The following MROH1 variants were observed in gnomAD, a reference collection of about 807,000 sequenced individuals.
The protein encoded by MROH1 is maestro heat-like repeat-containing protein family member 1.
Under a neutral mutation model 116.5 loss-of-function variants are expected in MROH1, and 117 were observed. That is an observed-to-expected ratio of 1.00 (90% CI 0.86 to 1.17). The LOEUF is 1.17. MROH1 is among the 50% of genes most tolerant of loss of function. The pLI, the probability that MROH1 is intolerant of heterozygous loss-of-function variation, is 0.00. For synonymous variants in MROH1, 921 were observed against 583.9 expected (o/e 1.58, Z -8.32); for missense variants, 1,873 against 1,338.5 (o/e 1.40, Z -6.23).
intron 35 of MROH1, among the ~76,000 whole-genome samples, chr8:144,257,266 C>T (rs1844051115): frequency 6.6e-6 from 1 of 152,192 alleles, no homozygotes; most frequent in Admixed American, 6.5e-5. Context: ...TACGTCCGAC[C>T]TTGGGGAGGG....
rs553137415 is a variant in MROH1, at chr8:144,224,370, G to A, written c.1338+1140G>A. Among the ~76,000 whole-genome samples the A allele has an allele frequency of 8.9e-4, 135 of 152,170 alleles. No individual in the cohort carries two copies. The Middle Eastern group carries it at 0.01, about 12-fold the overall frequency. On this transcript the variant is annotated intron_variant, in intron 14 of 43. Coordinates refer to ENST00000326134, the MANE Select transcript of MROH1 (RefSeq NM_032450.3). ...CTGCAGCCTTGAACTGTGCTGAAGC[G>A]ATCATCCTACCTCAGCCTCCTGAGT...
intron 25 of MROH1, 116 bp from the exon 26 acceptor site, chr8:144,243,747 A>G: frequency 1.3e-6 from 1 of 748,436 alleles, no homozygotes; most frequent in South Asian, 1.4e-5. Context: ...ATGTAGGGAC[A>G]CATGGGGCTC....
chr8:144,249,053 G>T (rs1225433780), intron 32 of MROH1, 24 bp downstream of exon 32: 2 of 697,898 alleles, frequency 2.9e-6, no homozygotes, highest in East Asian at 2.8e-5. Flanking sequence ...GGGCGCGGGG[G>T]GTGCTCCAGG....
Position 144,190,900 on chromosome 8 carries a change from C to G in MROH1, c.679C>G (p.Leu227Val). The change falls in exon 8 of 44, where the codon CTC becomes GTC. Residue 227 changes from leucine (L) to valine (V), a missense_variant. Leu to Val is a conservative substitution (Grantham distance 32). Coordinates refer to ENST00000326134, the MANE Select transcript of MROH1 (RefSeq NM_032450.3). ...ATDIFSAYDV[L>V]FHQWLQSREA... ...CGACATCTTCAGCGCCTACGATGTT[C>G]TCTTCCATCAGTGGCTGCAGAGTCG... 3 of 1,613,764 alleles carry G rather than the reference C, an allele frequency of 1.9e-6. No homozygotes were observed. Among genetic ancestry groups the G allele is most frequent in the Non-Finnish European group, 2.5e-6 (3 of 1,179,886 alleles).
intron 12 of MROH1, among the ~76,000 whole-genome samples, chr8:144,208,700 C>T (rs1833408429): frequency 1.3e-5 from 2 of 151,988 alleles, no homozygotes; most frequent in South Asian, 2.1e-4. Flanking sequence ...CTATTCTTTC[C>T]TTACACCAAT....
intron 29 of MROH1, among the ~76,000 whole-genome samples, 163 bp from the exon 30 acceptor site, chr8:144,247,138 G>A (rs1037255253): frequency 8.5e-5 from 13 of 152,190 alleles, no homozygotes; most frequent in Non-Finnish European, 1.6e-4. Context: ...AGGAGGGGAG[G>A]GAGGAACTCA....
At chr8:144,208,556 A>G (rs1382830972) in intron 12 of MROH1, among the ~76,000 whole-genome samples, 1 of 151,880 alleles carries the variant, frequency 6.6e-6, no homozygotes, top group African/African-American at 2.4e-5. Context: ...CCCCCTCTCA[A>G]CTTATTAATT....
At chr8:144,192,711 T>C (rs1408857677) in intron 10 of MROH1, 1 of 522,218 alleles carries the variant, frequency 1.9e-6, no homozygotes, top group Non-Finnish European at 3.6e-6. Context: ...AAGTGCCAGC[T>C]GGGGGAGACT....
chr8:144,210,291 T>C (rs1019028073), intron 12 of MROH1, among the ~76,000 whole-genome samples: 2 of 151,840 alleles, frequency 1.3e-5, no homozygotes, highest in Non-Finnish European at 1.5e-5. Flanking sequence ...ATACAAAAAT[T>C]AGCCAGCGTG....
At chr8:144,256,589 C>T (rs977578233) in intron 35 of MROH1, among the ~76,000 whole-genome samples, 41 of 152,386 alleles carry the variant, frequency 2.7e-4, no homozygotes, top group Non-Finnish European at 5.6e-4. Context: ...CCACCAGCCC[C>T]TGGGCCTGGC....
chr8:144,255,228 C>T (rs1357796181), intron 34 of MROH1, among the ~76,000 whole-genome samples: 1 of 152,240 alleles, frequency 6.6e-6, no homozygotes, highest in Non-Finnish European at 1.5e-5. Flanking sequence ...AGCAGTAAAG[C>T]AGCTGTGAGA....
At position 144,259,366 on chromosome 8, in the gene MROH1, C is replaced by A; in HGVS notation, c.4044+12C>A. 1.4e-6 allele frequency: 1 copy of A among 714,964 alleles called. No individual in the cohort carries two copies. The highest frequency in any genetic ancestry group is 2.6e-6 in the Non-Finnish European group (1 of 384,860). 44.3% of individuals were successfully genotyped at this position (714,964 alleles called of 1,614,324 possible). On this transcript the variant is annotated intron_variant, in intron 37 of 43. Coordinates refer to ENST00000326134, the MANE Select transcript of MROH1 (RefSeq NM_032450.3). ...CCTTCCTGGCCGAGGTAGGCCCTTC[C>A]AGGGACGGATGCTGGGCACCAAGGT...
intron 7 of MROH1, among the ~76,000 whole-genome samples, chr8:144,189,747 CTG>C (rs1294024254): frequency 6.6e-6 from 1 of 152,232 alleles, no homozygotes; most frequent in African/African-American, 2.4e-5. Context: ...CCCGCCCACA[CTG>C]TGCCCAGCAC....
chr8:144,162,195 C>T (rs1819712255), intron 2 of MROH1, among the ~76,000 whole-genome samples: 1 of 149,332 alleles, frequency 6.7e-6, no homozygotes, highest in South Asian at 2.1e-4. Context: ...AGTGATTCTT[C>T]TGCCTCAGCC....
At chr8:144,187,364 G>C (rs1463855290) in intron 7 of MROH1, among the ~76,000 whole-genome samples, 1 of 151,898 alleles carries the variant, frequency 6.6e-6, no homozygotes, top group Non-Finnish European at 1.5e-5. Flanking sequence ...GAGCTAAGTT[G>C]GTGTCACTAC....
rs1419538059 is a variant in MROH1, at chr8:144,242,383, C to T, written c.2193C>T (p.Asn731=). 2.3e-5 allele frequency: 18 copies of T among 780,588 alleles called. No individual in the cohort carries two copies. The highest frequency in any genetic ancestry group is 1.4e-4 in the Admixed American group (8 of 59,020). 48.4% of individuals were successfully genotyped at this position (780,588 alleles called of 1,614,324 possible). Residue 731 remains asparagine, a synonymous_variant, in exon 23 of 44, where the codon AAC becomes AAT. Coordinates refer to ENST00000326134, the MANE Select transcript of MROH1 (RefSeq NM_032450.3). Reference sequence around the variant, plus strand: ...TGGCCTCTCAGGATCGAAGTGAGAACGAAGTGGAGAAGGTGAAGAGTGCTC... The same window carrying T: ...TGGCCTCTCAGGATCGAAGTGAGAATGAAGTGGAGAAGGTGAAGAGTGCTC... The part of the protein sequence containing the change: ...ILNIFKDRSE[N]EVEKVKSALI...
At chr8:144,175,785 T>A (rs1164512464) in intron 4 of MROH1, among the ~76,000 whole-genome samples, 6 of 152,188 alleles carry the variant, frequency 3.9e-5, no homozygotes, top group South Asian at 4.2e-4. Flanking sequence ...GCTCGGTGGC[T>A]CACGCCTGTA....
At position 144,197,515 on chromosome 8, in the gene MROH1, A is replaced by G. The variant is rs1830200795; in HGVS notation, c.949-1607A>G. ...CAGTGGCGCGATCTTGGCTCACTGC[A>G]AGCTCTGCCTCCCCGGTTCACGCCA... On this transcript the variant is annotated intron_variant, in intron 10 of 43. Coordinates refer to ENST00000326134, the MANE Select transcript of MROH1 (RefSeq NM_032450.3). Among the ~76,000 whole-genome samples the G allele has an allele frequency of 2.3e-5, 3 of 129,294 alleles. No individual in the cohort carries two copies. In the South Asian group the frequency reaches 7.5e-4, roughly 32 times the overall value. 84.8% of individuals were successfully genotyped at this position (129,294 alleles called of 152,430 possible).
At chr8:144,200,830 G>A in intron 12 of MROH1, 1 of 384,386 alleles carries the variant, frequency 2.6e-6, no homozygotes, top group South Asian at 3.1e-5. Flanking sequence ...GGTTCCCAGA[G>A]CCTAAGACAG....
Sources: gnomAD v4.1 joint callset for allele counts (sites outside exome capture counted in the v4.1 genomes callset) on GRCh38, gnomAD v4.1.1 for gene constraint, MANE v1.5 for transcripts, NCBI Gene and HGNC (gene_info 2026-07-23, HGNC 2026-07-21) for gene names.